The following MGMT variants were observed in gnomAD, a reference collection of about 807,000 sequenced individuals.
MGMT encodes the protein methylated-DNA--protein-cysteine methyltransferase.
A neutral mutation model predicts 15.9 loss-of-function variants in MGMT; 14 were observed. That is an observed-to-expected ratio of 0.88 (90% CI 0.58 to 1.37). The LOEUF is 1.37. Among genes scored for constraint, MGMT ranks in the 40% most tolerant of loss-of-function variants. MGMT has a pLI of 0.00. For missense variants in MGMT, 282 were observed against 268.1 expected, an observed-to-expected ratio of 1.05 and a Z score of -0.36; for synonymous variants, 130 against 118.2, an observed-to-expected ratio of 1.10 and a Z score of -0.65.
At chr10:129,510,037 C>T (rs1270419319) in intron 1 of MGMT, among the ~76,000 whole-genome samples, 1 of 152,158 alleles carries the variant, frequency 6.6e-6, no homozygotes, top group Non-Finnish European at 1.5e-5. Context: ...ATCTGGGGTC[C>T]TGGAGCGGCC....
At chr10:129,709,119 G>A (rs2133143739) in intron 3 of MGMT, among the ~76,000 whole-genome samples, 1 of 152,354 alleles carries the variant, frequency 6.6e-6, no homozygotes, top group Admixed American at 6.5e-5. Context: ...ATACAGAACT[G>A]TCTCCAGAAG....
chr10:129,501,392 T>C (rs190559542), intron 1 of MGMT, among the ~76,000 whole-genome samples: 11 of 152,328 alleles, frequency 7.2e-5, no homozygotes, highest in African/African-American at 2.6e-4. Flanking sequence ...CGAGAAAGTA[T>C]TTAACTCCTT....
chr10:129,478,239 T>TC (rs397741749), intron 1 of MGMT, among the ~76,000 whole-genome samples: 18 of 121,368 alleles, frequency 1.5e-4, no homozygotes, highest in African/African-American at 4.9e-4. Context: ...GTTGATTTTT[T>TC]CCCCCCCTCC....
intron 1 of MGMT, among the ~76,000 whole-genome samples, chr10:129,498,947 T>A (rs1233283208): frequency 1.3e-5 from 2 of 152,244 alleles, no homozygotes; most frequent in African/African-American, 4.8e-5. Flanking sequence ...GCTGTCTGCA[T>A]GCATGTTAAA....
rs757148901 is a variant in MGMT, at chr10:129,766,832, A to G, written c.459A>G (p.Gly153=). 3.0e-5 allele frequency: 48 copies of G among 1,613,460 alleles called. 1 individual carries two copies. The South Asian group carries it at 4.1e-4, about 14-fold the overall frequency. Residue 153 remains glycine, a synonymous_variant, in exon 5 of 5, where the codon GGA becomes GGG. Coordinates refer to ENST00000651593, the MANE Select transcript of MGMT (RefSeq NM_002412.5). ...IPCHRVVCSS[G]AVGNYSGGLA... Reference sequence around the variant, plus strand: ...GCCACAGAGTGGTCTGCAGCAGCGGAGCCGTGGGCAACTACTCCGGAGGAC... The same window carrying G: ...GCCACAGAGTGGTCTGCAGCAGCGGGGCCGTGGGCAACTACTCCGGAGGAC...
At chr10:129,759,069 A>C in intron 3 of MGMT, 133 bp from the exon 4 acceptor site, 27 of 1,091,712 alleles carry the variant, frequency 2.5e-5, no homozygotes, top group Non-Finnish European at 3.3e-5. Flanking sequence ...CAGTGCATGG[A>C]GGCCGTGTTT....
At chr10:129,757,332 G>A (rs1848818426) in intron 3 of MGMT, among the ~76,000 whole-genome samples, 1 of 152,260 alleles carries the variant, frequency 6.6e-6, no homozygotes, top group Admixed American at 6.5e-5. Flanking sequence ...CTGGCGCTCA[G>A]ATGAGGCCCT....
intron 1 of MGMT, among the ~76,000 whole-genome samples, chr10:129,475,910 A>G (rs1303552189): frequency 2.0e-5 from 3 of 152,244 alleles, no homozygotes; most frequent in Non-Finnish European, 4.4e-5. Context: ...GCCCAGCAAG[A>G]GCACAGGCTC....
chr10:129,562,580 G>A (rs1846293519), intron 2 of MGMT, among the ~76,000 whole-genome samples: 1 of 152,202 alleles, frequency 6.6e-6, no homozygotes, highest in Non-Finnish European at 1.5e-5. Context: ...GACAGCAGTA[G>A]GAGGAGCTTT....
At chr10:129,759,649 T>C (rs56274638) in intron 4 of MGMT, among the ~76,000 whole-genome samples, 9,600 of 152,220 alleles carry the variant, frequency 0.063, 981 homozygotes, top group African/African-American at 0.22. Flanking sequence ...GTGCCCCACC[T>C]GCTCACTCAG....
At chr10:129,745,371 C>G (rs1047231314) in intron 3 of MGMT, among the ~76,000 whole-genome samples, 1 of 152,036 alleles carries the variant, frequency 6.6e-6, no homozygotes, top group Non-Finnish European at 1.5e-5. Context: ...ACCTGGACAC[C>G]CCCACGCCGC....
At chr10:129,560,181 C>G (rs922887006) in intron 2 of MGMT, among the ~76,000 whole-genome samples, 1 of 152,168 alleles carries the variant, frequency 6.6e-6, no homozygotes, top group Admixed American at 6.5e-5. Flanking sequence ...CCTTGCAATG[C>G]AAAGTTTCAG....
intron 2 of MGMT, among the ~76,000 whole-genome samples, chr10:129,609,960 G>A (rs1427980927): frequency 6.6e-6 from 1 of 152,196 alleles, no homozygotes; most frequent in African/African-American, 2.4e-5. Context: ...AGTGACGTCT[G>A]TGCAGTTTGG....
At chr10:129,616,174 G>A (rs551107756) in intron 2 of MGMT, among the ~76,000 whole-genome samples, 2 of 152,204 alleles carry the variant, frequency 1.3e-5, no homozygotes, top group Admixed American at 1.3e-4. Flanking sequence ...CAGAGGGAGC[G>A]GCGATTGGAT....
intron 1 of MGMT, among the ~76,000 whole-genome samples, chr10:129,512,925 G>T (rs968835756): frequency 3.1e-4 from 47 of 152,074 alleles, no homozygotes; most frequent in Non-Finnish European, 5.9e-4. Flanking sequence ...ATTGAAAGCA[G>T]GGTCTTGAGT....
intron 1 of MGMT, among the ~76,000 whole-genome samples, chr10:129,528,817 G>C (rs992073101): frequency 1.3e-5 from 2 of 152,146 alleles, no homozygotes; most frequent in Non-Finnish European, 2.9e-5. Context: ...GGTAGGGGAT[G>C]GTGCCATCTG....
chr10:129,668,552 A>G (rs1336365363), intron 2 of MGMT, among the ~76,000 whole-genome samples: 3 of 152,212 alleles, frequency 2.0e-5, no homozygotes, highest in African/African-American at 7.2e-5. Flanking sequence ...CTTTGTCACA[A>G]GTGAAATGAG....
intron 1 of MGMT, among the ~76,000 whole-genome samples, chr10:129,516,421 G>A (rs1251211169): frequency 6.6e-6 from 1 of 152,172 alleles, no homozygotes; most frequent in Non-Finnish European, 1.5e-5. Context: ...CAGTGGCGTG[G>A]GGTGGGGTGA....
At chr10:129,732,080 C>T (rs1454374937) in intron 3 of MGMT, among the ~76,000 whole-genome samples, 2 of 152,212 alleles carry the variant, frequency 1.3e-5, no homozygotes, top group Non-Finnish European at 2.9e-5. Context: ...TTGAGAATCT[C>T]TGTTCTAAAA....
Sources: gnomAD v4.1 joint callset for allele counts (sites outside exome capture counted in the v4.1 genomes callset) on GRCh38, gnomAD v4.1.1 for gene constraint, MANE v1.5 for transcripts, NCBI Gene and HGNC (gene_info 2026-07-23, HGNC 2026-07-21) for gene names.